The following ACACB variants were observed in gnomAD, a reference collection of about 807,000 sequenced individuals.
ACACB encodes acetyl-CoA carboxylase 2.
ACACB carries 209 observed loss-of-function variants against 278.8 expected under a neutral mutation model. The ratio of observed to expected loss-of-function variants is 0.75; its 90% confidence interval spans 0.67 to 0.84. ACACB has a LOEUF of 0.84. ACACB is among the 40% of genes least tolerant of loss of function. The pLI is 0.00. For synonymous variants in ACACB, 1,174 were observed against 1,285.6 expected, an observed-to-expected ratio of 0.91 and a Z score of 1.86; for missense variants, 2,850 against 3,269.0, an observed-to-expected ratio of 0.87 and a Z score of 3.13.
chr12:109,223,848 G>A lies in ACACB; in HGVS notation c.3826G>A (p.Val1276Ile), dbSNP rs764509094. ...LILSETTIFD[V>I]LPTFFYHANK... ...ACTTTCGGAAACAACCATCTTCGAC[G>A]TCCTGCCTACTTTCTTCTATCACGC... The change falls in exon 27 of 53, where the codon GTC becomes ATC. Residue 1276 changes from valine (V) to isoleucine (I), a missense_variant. Physicochemically the swap from Val to Ile is conservative, Grantham distance 29. Around this residue, in one of 3 missense-constraint regions of ACACB, gnomAD observed 2,265 missense variants for 2,561.3 expected, o/e 0.88. Coordinates refer to ENST00000338432, the MANE Select transcript of ACACB (RefSeq NM_001093.4). The A allele has an allele frequency of 5.0e-6, 8 of 1,614,002 alleles. No individual in the cohort carries two copies. Among genetic ancestry groups the A allele is most frequent in the South Asian group, 2.2e-5 (2 of 91,078 alleles).
At chr12:109,137,184 CATG>C (rs1030746545) in intron 1 of ACACB, among the ~76,000 whole-genome samples, 3 of 151,908 alleles carry the variant, frequency 2.0e-5, no homozygotes, top group African/African-American at 7.3e-5. Context: ...AAAAAAAACA[CATG>C]ATGATCTTGA....
At chr12:109,254,399 G>C in intron 44 of ACACB, 65 bp downstream of exon 44, 1 of 1,479,516 alleles carries the variant, frequency 6.8e-7, no homozygotes, top group Non-Finnish European at 9.0e-7. Context: ...TGAGACAAAG[G>C]AGCACTTTGT....
At chr12:109,135,883 C>T (rs2042955525) in intron 1 of ACACB, among the ~76,000 whole-genome samples, 1 of 149,638 alleles carries the variant, frequency 6.7e-6, no homozygotes, top group African/African-American at 2.5e-5. Flanking sequence ...GATCTCGGCT[C>T]ACTGCAAGCT....
Position 109,264,455 on chromosome 12 carries a change from G to GGGC in ACACB, c.6942+70_6942+72dup. The GGGC allele has an allele frequency of 1.9e-6, 3 of 1,589,146 alleles. No individual in the cohort carries two copies. In the South Asian group the frequency reaches 3.3e-5, roughly 18 times the overall value. On this transcript the variant is annotated intron_variant, in intron 50 of 52. Transcript: ENST00000338432. ...GTTTTCCAAAACATGGAGGACATTTGGGCTCGGGGGCGGGGAGGGCGGTGG... is the reference window on the plus strand; with the variant it reads ...GTTTTCCAAAACATGGAGGACATTTGGGCGGCTCGGGGGCGGGGAGGGCGGTGG...
intron 1 of ACACB, among the ~76,000 whole-genome samples, chr12:109,138,096 G>A (rs2043012852): frequency 6.6e-6 from 1 of 151,976 alleles, no homozygotes; most frequent in Non-Finnish European, 1.5e-5. Flanking sequence ...TACAGACAGG[G>A]CTTCACCATG....
chr12:109,171,709 G>A, intron 4 of ACACB, 96 bp from the exon 5 acceptor site: 1 of 917,380 alleles, frequency 1.1e-6, no homozygotes, highest in South Asian at 1.5e-5. Context: ...GCATGGTTCT[G>A]CTTTCCATGG....
In ACACB at chr12:109,241,035, G is replaced by A. The variant is rs185031257; in HGVS notation, c.4819-43G>A. The A allele has an allele frequency of 3.1e-6, 5 of 1,595,932 alleles. No homozygotes were observed. The South Asian group carries it at 4.4e-5, about 14-fold the overall frequency. On this transcript the variant is annotated intron_variant, in intron 35 of 52. Coordinates refer to ENST00000338432, the MANE Select transcript of ACACB (RefSeq NM_001093.4). Reference sequence around the variant, plus strand: ...TCAGTGCTATTGCAAATGTCCTTGGGATGTCTTGGCCCTGAAACTGGAATT... The same window carrying A: ...TCAGTGCTATTGCAAATGTCCTTGGAATGTCTTGGCCCTGAAACTGGAATT...
chr12:109,170,856 A>G (rs1291970112), intron 4 of ACACB, among the ~76,000 whole-genome samples: 1 of 151,756 alleles, frequency 6.6e-6, no homozygotes, highest in Admixed American at 6.6e-5. Flanking sequence ...TTGTTTTTTG[A>G]GACAGGGCCT....
intron 19 of ACACB, among the ~76,000 whole-genome samples, chr12:109,204,560 C>T (rs944773028): frequency 3.3e-5 from 5 of 151,914 alleles, no homozygotes; most frequent in Admixed American, 6.6e-5. Context: ...CAGGTGTGAG[C>T]CACCATGTCC....
intron 7 of ACACB, among the ~76,000 whole-genome samples, chr12:109,175,552 A>T (rs1264526646): frequency 1.3e-5 from 2 of 152,120 alleles, no homozygotes; most frequent in African/African-American, 4.8e-5. Flanking sequence ...AGTAGCTGGG[A>T]CTACAGGCCC....
intron 46 of ACACB, 36 bp from the exon 47 acceptor site, chr12:109,258,937 G>A (rs1476725943): frequency 6.2e-7 from 1 of 1,610,976 alleles, no homozygotes; most frequent in African/African-American, 1.3e-5. Flanking sequence ...TTGTGGTTGT[G>A]CAGAGACATC....
At position 109,219,897 on chromosome 12, in the gene ACACB, C is replaced by T. The variant is rs149855899; in HGVS notation, c.3565-2610C>T. Among the ~76,000 whole-genome samples, 335 of 152,290 alleles carry T rather than the reference C, an allele frequency of 2.2e-3. 2 individuals are homozygous for T. The highest frequency in any genetic ancestry group is 4.0e-3 in the Non-Finnish European group (272 of 68,030). On this transcript the variant is annotated intron_variant, in intron 24 of 52. Coordinates refer to ENST00000338432, the MANE Select transcript of ACACB (RefSeq NM_001093.4). ...ATTTATGCCCAAGGAGATATCCACT[C>T]TTTGGGGGGAGTTCTATTACTAAAA...
intron 1 of ACACB, among the ~76,000 whole-genome samples, chr12:109,124,410 C>A (rs960654979): frequency 1.3e-5 from 2 of 152,186 alleles, no homozygotes; most frequent in African/African-American, 4.8e-5. Flanking sequence ...AGGCTTGAAT[C>A]AATTCAGGTG....
At chr12:109,248,702 A>G (rs2047015326) in intron 40 of ACACB, among the ~76,000 whole-genome samples, 1 of 152,118 alleles carries the variant, frequency 6.6e-6, no homozygotes, top group Non-Finnish European at 1.5e-5. Flanking sequence ...CACATTGAGG[A>G]TGGGTCTTCC....
chr12:109,237,132 T>A, intron 33 of ACACB, 33 bp from the exon 34 acceptor site: 8 of 1,609,188 alleles, frequency 5.0e-6, no homozygotes, highest in Non-Finnish European at 6.8e-6. Flanking sequence ...TGTGTGTGTA[T>A]GTGTCTGTCT....
Position 109,233,998 on chromosome 12 carries a change from G to T in ACACB, c.4300G>T (p.Glu1434Ter). 6.2e-7 allele frequency: 1 copy of T among 1,614,100 alleles called. No individual in the cohort carries two copies. The change falls in exon 31 of 53, where the codon GAG becomes TAG. Residue 1434 changes from glutamate to a stop codon, truncating the protein, a stop_gained. Transcript: ENST00000338432. LOFTEE classifies it high-confidence loss of function. ...NVSIQCADHL[E>*]DEALVPILRT... ...GTCCATCCAGTGTGCAGACCACCTGGAGGATGAGGCACTGGTGCCGATTTT... is the reference window on the plus strand; with the variant it reads ...GTCCATCCAGTGTGCAGACCACCTGTAGGATGAGGCACTGGTGCCGATTTT...
In ACACB at chr12:109,168,001, A is replaced by G. The variant is rs1395471639; in HGVS notation, c.892A>G (p.Met298Val). The change falls in exon 4 of 53, where the codon ATG (methionine) becomes GTG (valine). Residue 298 changes from methionine to valine, a missense_variant. Around this residue, in one of 3 missense-constraint regions of ACACB, gnomAD observed 2,265 missense variants for 2,561.3 expected, o/e 0.88. Transcript: ENST00000338432. The stretch of plus-strand genomic sequence containing the variant: ...CGAGCGGGCCATCCGGTTTGTTGTG[A>G]TGGTGACCCCCGAGGACCTTAAGGC... Reference protein sequence around the residue: ...RNERAIRFVVMVTPEDLKANA... With the variant: ...RNERAIRFVVVVTPEDLKANA... The G allele has an allele frequency of 4.3e-6, 7 of 1,613,450 alleles. No individual in the cohort carries two copies. The highest frequency in any genetic ancestry group is 5.9e-6 in the Non-Finnish European group (7 of 1,179,764).
intron 21 of ACACB, among the ~76,000 whole-genome samples, chr12:109,212,205 C>T (rs907715055): frequency 5.3e-5 from 8 of 152,106 alleles, no homozygotes; most frequent in Admixed American, 6.5e-5. Flanking sequence ...AAATGAGTCT[C>T]GGATGGGACC....
chr12:109,193,916 C>T (rs950887162), intron 16 of ACACB, among the ~76,000 whole-genome samples, 187 bp downstream of exon 16: 2 of 152,202 alleles, frequency 1.3e-5, no homozygotes, highest in Non-Finnish European at 2.9e-5. Context: ...ACATGTAGGG[C>T]TGTGCATTCT....
Sources: gnomAD v4.1 joint callset for allele counts (sites outside exome capture counted in the v4.1 genomes callset) on GRCh38, gnomAD v4.1.1 for gene constraint, gnomAD v4.1.1 regional missense constraint, MANE v1.5 for transcripts, NCBI Gene and HGNC (gene_info 2026-07-23, HGNC 2026-07-21) for gene names.